Variants in LRP1B observed in about 807,000 individuals in gnomAD.
LRP1B encodes LDL receptor related protein 1B.
Under a neutral mutation model 556.6 loss-of-function variants are expected in LRP1B, and 217 were observed. The observed-to-expected ratio is 0.39, with a 90% CI of 0.35 to 0.44. LRP1B has a LOEUF of 0.44. Ranked by LOEUF, LRP1B falls within the 20% of genes least tolerant of loss-of-function variation. The pLI is 1.00. For synonymous variants in LRP1B, 2,047 were observed against 1,865.8 expected, an observed-to-expected ratio of 1.10 and a Z score of -2.50; for missense variants, 5,053 against 5,620.8, an observed-to-expected ratio of 0.90 and a Z score of 3.23.
chr2:141,989,042 T>C (rs1331823258), intron 1 of LRP1B, among the ~76,000 whole-genome samples: 1 of 152,086 alleles, frequency 6.6e-6, no homozygotes, highest in African/African-American at 2.4e-5. Flanking sequence ...CATTATGATT[T>C]GTGAAACTTC....
At chr2:140,532,379 G>T (rs933393160) in intron 47 of LRP1B, among the ~76,000 whole-genome samples, 1 of 151,064 alleles carries the variant, frequency 6.6e-6, no homozygotes, top group Admixed American at 6.6e-5. Flanking sequence ...TCTGTTTTTT[G>T]TTTGTTTGTT....
chr2:141,874,274 T>C (rs1050787894), intron 1 of LRP1B, among the ~76,000 whole-genome samples: 1 of 151,878 alleles, frequency 6.6e-6, no homozygotes, highest in Non-Finnish European at 1.5e-5. Context: ...AAATTTTTAC[T>C]GTTGATCACA....
At chr2:140,710,961 T>C (rs1326161169) in intron 37 of LRP1B, among the ~76,000 whole-genome samples, 5 of 151,938 alleles carry the variant, frequency 3.3e-5, no homozygotes, top group Admixed American at 3.3e-4. Context: ...CTAATGAGAG[T>C]GACCTGAGCC....
At chr2:140,418,397 G>C (rs139439276) in intron 66 of LRP1B, among the ~76,000 whole-genome samples, 1 of 152,130 alleles carries the variant, frequency 6.6e-6, no homozygotes, top group Admixed American at 6.6e-5. Context: ...CAGTTGAATC[G>C]ACTTTGTCTT....
At chr2:140,722,252 TG>T (rs1687428591) in intron 35 of LRP1B, among the ~76,000 whole-genome samples, 1 of 152,222 alleles carries the variant, frequency 6.6e-6, no homozygotes, top group South Asian at 2.1e-4. Context: ...ATTGAGGTTA[TG>T]TTCAATTTCT....
intron 67 of LRP1B, among the ~76,000 whole-genome samples, chr2:140,378,669 CT>C (rs1683342227): frequency 6.6e-6 from 1 of 152,134 alleles, no homozygotes; most frequent in Non-Finnish European, 1.5e-5. Context: ...TTTTGTGACT[CT>C]CTGTACCCAT....
intron 68 of LRP1B, 35 bp downstream of exon 68, chr2:140,378,145 C>A (rs115374560): frequency 7.2e-7 from 1 of 1,385,294 alleles, no homozygotes; most frequent in Non-Finnish European, 1.0e-6. Flanking sequence ...GGTTCTAAAG[C>A]GCTGCTTTCT....
intron 1 of LRP1B, among the ~76,000 whole-genome samples, chr2:141,919,896 A>G (rs1297987713): frequency 1.3e-5 from 2 of 152,082 alleles, no homozygotes; most frequent in Non-Finnish European, 2.9e-5. Context: ...AGTTCACAAA[A>G]AAGTTCAATA....
chr2:140,997,046 G>T (rs887384736), intron 15 of LRP1B, among the ~76,000 whole-genome samples: 1 of 152,054 alleles, frequency 6.6e-6, no homozygotes, highest in East Asian at 1.9e-4. Context: ...TACAAAACCT[G>T]TAATTCTACT....
intron 80 of LRP1B, among the ~76,000 whole-genome samples, chr2:140,324,565 G>C (rs916737515): frequency 6.6e-6 from 1 of 152,148 alleles, no homozygotes; most frequent in South Asian, 2.1e-4. Flanking sequence ...CATTTCAGAA[G>C]TGGAATAAAG....
At chr2:140,251,343 G>T (rs1460795088) in intron 86 of LRP1B, among the ~76,000 whole-genome samples, 1 of 151,670 alleles carries the variant, frequency 6.6e-6, no homozygotes, top group East Asian at 1.9e-4. Context: ...ATTAAAATGA[G>T]ATATAAAAAA....
chr2:141,387,153 G>A (rs905322181), intron 3 of LRP1B, among the ~76,000 whole-genome samples: 1 of 151,746 alleles, frequency 6.6e-6, no homozygotes, highest in African/African-American at 2.4e-5. Flanking sequence ...AAAGACAAAT[G>A]AAAACAAAAG....
At chr2:140,943,313 A>G (rs1386222201) in intron 20 of LRP1B, among the ~76,000 whole-genome samples, 1 of 152,064 alleles carries the variant, frequency 6.6e-6, no homozygotes, top group Admixed American at 6.6e-5. Context: ...CAGCTACACA[A>G]TAATAGTGGG....
intron 35 of LRP1B, among the ~76,000 whole-genome samples, 170 bp downstream of exon 35, chr2:140,769,043 G>A (rs1362991831): frequency 6.7e-6 from 1 of 148,960 alleles, no homozygotes; most frequent in Non-Finnish European, 1.5e-5. Context: ...TTTTTTTTCA[G>A]ACACTACACA....
In LRP1B at chr2:141,013,560, T is replaced by C. The variant is rs772179432; in HGVS notation, c.2376A>G (p.Gln792=). The change falls in exon 14 of 91, where the codon CAA becomes CAG. Residue 792 remains glutamine (Q), a synonymous_variant. Coordinates refer to ENST00000389484, the MANE Select transcript of LRP1B (RefSeq NM_018557.3). ...TTTTAATTTGTTTTTTAATACCTTG[T>C]TGCTTTCGTGGATCATAAATCTGAA... ...FGLQIYDPRK[Q]QGDNMCRVNN... 2 of 1,606,138 alleles carry C rather than the reference T, an allele frequency of 1.2e-6. No individual in the cohort carries two copies. Among genetic ancestry groups the C allele is most frequent in the East Asian group, 4.5e-5 (2 of 44,596 alleles).
At chr2:141,872,097 A>C (rs1698608016) in intron 1 of LRP1B, among the ~76,000 whole-genome samples, 1 of 151,898 alleles carries the variant, frequency 6.6e-6, no homozygotes, top group South Asian at 2.1e-4. Context: ...TTCAGCCTAA[A>C]GAGAGAGCTT....
chr2:140,636,271 C>T (rs187026004), intron 41 of LRP1B, among the ~76,000 whole-genome samples: 3 of 152,166 alleles, frequency 2.0e-5, no homozygotes, highest in East Asian at 1.9e-4. Context: ...ACTCAATACC[C>T]GTGGTAGATT....
chr2:141,730,762 T>C (rs146424989), intron 2 of LRP1B, among the ~76,000 whole-genome samples: 2 of 152,282 alleles, frequency 1.3e-5, no homozygotes, highest in African/African-American at 4.8e-5. Flanking sequence ...CAGAAATCAT[T>C]GTACTCATAG....
chr2:142,031,343 T>TGTCAACTAAAAAAAAATGACATATTGTCA, intron 1 of LRP1B, among the ~76,000 whole-genome samples: 1 of 126,624 alleles, frequency 7.9e-6, no homozygotes, highest in South Asian at 3.0e-4. Context: ...TTTTTTTTTT[T>TGTCAACTAAAAAAAAATGACATATTGTCA]TTTTTATTAT....
Sources: allele counts gnomAD v4.1 joint callset (sites outside exome capture counted in the v4.1 genomes callset), GRCh38; gene constraint gnomAD v4.1.1; transcripts MANE v1.5; gene names NCBI Gene and HGNC (gene_info 2026-07-23, HGNC 2026-07-21).